Variants in SLC25A35 observed in about 807,000 individuals in gnomAD.
SLC25A35 encodes the protein solute carrier family 25 member 35, also known as solute carrier family 25, member 35.
A neutral mutation model predicts 30.5 loss-of-function variants in SLC25A35; 32 were observed. The ratio of observed to expected loss-of-function variants is 1.05; its 90% CI spans 0.79 to 1.41. The LOEUF (loss-of-function observed/expected upper bound fraction) is 1.41. Ranked by LOEUF, SLC25A35 falls within the 40% of genes most tolerant of loss-of-function variation. SLC25A35 has a pLI of 0.00. For synonymous variants in SLC25A35, 142 were observed against 158.1 expected, an observed-to-expected ratio of 0.90 and a Z score of 0.77; for missense variants, 369 against 388.0, an observed-to-expected ratio of 0.95 and a Z score of 0.41.
At chr17:8,288,706 C>T, downstream of SLC25A35, 1 of 1,512,602 alleles carries the variant, frequency 6.6e-7, no homozygotes. Flanking sequence ...GTGGCAGCTG[C>T]GAAACCCAGG....
chr17:8,290,845 G>A lies in SLC25A35; in HGVS notation c.726C>T (p.Gly242=). 5.0e-6 allele frequency: 8 copies of A among 1,613,874 alleles called. No homozygotes were observed. The highest frequency in any genetic ancestry group is 1.7e-5 in the Admixed American group (1 of 60,002). The change falls in exon 4 of 5, where the codon GGC becomes GGT. Residue 242 remains glycine (G), a synonymous_variant. Transcript: ENST00000577745. ...GCATCCCAGAGCACTTCCTTACCTT[G>A]CCCTGTGCATCTGTGGGCTGGTTGT... ...RLYNQPTDAQ[G]KGLMYRGILD... is the part of the protein sequence containing the mutation.
chr17:8,289,141 G>C, downstream of SLC25A35: 1 of 1,602,622 alleles, frequency 6.2e-7, no homozygotes, highest in Non-Finnish European at 8.5e-7. Flanking sequence ...GCCCGCGGCC[G>C]ACGGTTAATC....
At chr17:8,288,817 T>A, downstream of SLC25A35, 1 of 1,614,090 alleles carries the variant, frequency 6.2e-7, no homozygotes, top group Non-Finnish European at 8.5e-7. Flanking sequence ...TGCCCGCTGT[T>A]CGGGGGCGCC....
intron 2 of SLC25A35, 106 bp downstream of exon 2, chr17:8,292,417 G>T: frequency 9.0e-7 from 1 of 1,112,736 alleles, no homozygotes; most frequent in South Asian, 1.3e-5. Flanking sequence ...AGAACCGATG[G>T]GTTGAGCAGA....
chr17:8,294,590 T>A lies in SLC25A35; in HGVS notation c.218A>T (p.Gln73Leu), dbSNP rs749266612. The change falls in exon 1 of 5, where the codon CAG becomes CTG. Residue 73 changes from glutamine (Q) to leucine (L), a missense_variant. By Grantham distance (113) the Gln-to-Leu change is moderately radical. Transcript: ENST00000577745. ...CAGTCGGATGCCATTCATCAGGAAC[T>A]GGTACAAGAGGGCGGGGGCCAGGCC... ...QKGLAPALLY[Q>L]FLMNGIRLGT... 1.2e-6 allele frequency: 2 copies of A among 1,614,124 alleles called. No homozygotes were observed. Among genetic ancestry groups the A allele is most frequent in the South Asian group, 2.2e-5 (2 of 91,088 alleles).
At chr17:8,288,551 C>G, downstream of SLC25A35, 1 of 599,628 alleles carries the variant, frequency 1.7e-6, no homozygotes, top group South Asian at 2.0e-5. Flanking sequence ...CCCCACCGTC[C>G]CGCCAGGCGC....
downstream of SLC25A35, chr17:8,288,898 C>T (rs776014099): frequency 6.2e-7 from 1 of 1,613,914 alleles, no homozygotes; most frequent in African/African-American, 1.3e-5. Context: ...GGGCGGCTGA[C>T]TGGGTGGGTT....
rs779103199 is a variant in SLC25A35, at chr17:8,294,672, C to T, written c.136G>A (p.Val46Ile). Residue 46 changes from valine to isoleucine, a missense_variant, in exon 1 of 5, where the codon GTC becomes ATC. Coordinates refer to ENST00000577745, the MANE Select transcript of SLC25A35 (RefSeq NM_001320870.2). The stretch of plus-strand genomic sequence containing the variant: ...CCGATGGTGATGAAGGCATGGAAGA[C>T]ATTTCGGTAGTGCCGCTGGTATGTG... ...PGTYQRHYRNVFHAFITIGKV... is the reference protein window; with the variant it reads ...PGTYQRHYRNIFHAFITIGKV... 6 of 1,614,190 alleles carry T rather than the reference C, an allele frequency of 3.7e-6. No individual in the cohort carries two copies. The highest frequency in any genetic ancestry group is 5.1e-6 in the Non-Finnish European group (6 of 1,180,036).
intron 2 of SLC25A35, 134 bp downstream of exon 2, chr17:8,292,389 C>T: frequency 2.3e-6 from 2 of 865,482 alleles, no homozygotes; most frequent in East Asian, 2.4e-5. Context: ...TGGGTAGACT[C>T]CAGGGGCAAA....
rs1990768057 is a variant in SLC25A35 at position 8,295,008 on chromosome 17, C to T, written c.-201G>A. On this transcript the variant is annotated 5_prime_UTR_variant, in exon 1 of 5. Transcript: ENST00000577745. Reference sequence around the variant, plus strand: ...CTGGAATTTGGGAGTCAAGAGCTGGCAAGCAGGGAAGAGATAGAAATCTAG... The same window carrying T: ...CTGGAATTTGGGAGTCAAGAGCTGGTAAGCAGGGAAGAGATAGAAATCTAG... 3 of 1,391,522 alleles carry T rather than the reference C, an allele frequency of 2.2e-6. No homozygotes were observed. The highest frequency in any genetic ancestry group is 2.8e-6 in the Non-Finnish European group (3 of 1,076,998). The allele number at this position is 1,391,522 out of a possible 1,614,324, so 86.2% of individuals were successfully genotyped here. A position where few individuals can be genotyped will look rare whatever the true frequency, so the allele number is the denominator to read the frequency against.
At chr17:8,289,348 G>T (rs756226505), downstream of SLC25A35, 1 of 1,614,176 alleles carries the variant, frequency 6.2e-7, no homozygotes, top group Admixed American at 1.7e-5. Flanking sequence ...ACCTGGCCCT[G>T]AGGGGCCGCT....
chr17:8,290,939 G>A lies in SLC25A35; in HGVS notation c.632C>T (p.Ala211Val), dbSNP rs1990445026. 6.2e-7 allele frequency: 1 copy of A among 1,613,990 alleles called. No individual in the cohort carries two copies. The highest frequency in any genetic ancestry group is 1.7e-5 in the Admixed American group (1 of 59,984). ...PPQSWKLALV[A>V]AMMSGIAVVL... ...AACTGCAATGCCACTCATCATGGCA[G>A]CCACCAGCGCCAACTTCCAGCTCTG... The change falls in exon 4 of 5, where the codon GCT (alanine) becomes GTT (valine). Residue 211 changes from alanine (A) to valine (V), a missense_variant. By Grantham distance (64) the Ala-to-Val change is moderately conservative. Coordinates refer to ENST00000577745, the MANE Select transcript of SLC25A35 (RefSeq NM_001320870.2).
chr17:8,294,420 G>T lies in SLC25A35; in HGVS notation c.375+13C>A. On this transcript the variant is annotated intron_variant, in intron 1 of 4. Coordinates refer to ENST00000577745, the MANE Select transcript of SLC25A35 (RefSeq NM_001320870.2). ...TCTGCCCTGAAGGTCCCAGGCAAGA[G>T]CCCTCTTCTTACCATGTAGATGGGG... 1 of 1,552,514 alleles carries T rather than the reference G, an allele frequency of 6.4e-7. No homozygotes were observed. The highest frequency in any genetic ancestry group is 1.2e-5 in the South Asian group (1 of 82,442).
intron 1 of SLC25A35, among the ~76,000 whole-genome samples, chr17:8,293,422 T>A (rs1247473007): frequency 6.6e-6 from 1 of 152,228 alleles, no homozygotes; most frequent in Non-Finnish European, 1.5e-5. Context: ...GGATTCGCAC[T>A]AATGCTTTCA....
At chr17:8,288,565 C>G, downstream of SLC25A35, 1 of 620,640 alleles carries the variant, frequency 1.6e-6, no homozygotes, top group Non-Finnish European at 2.9e-6. Flanking sequence ...CAGGCGCACT[C>G]CTAAGAGCGC....
chr17:8,287,925 GA>G (rs1283559240), downstream of SLC25A35: 1 of 152,186 alleles, frequency 6.6e-6, no homozygotes, highest in Non-Finnish European at 1.5e-5. Context: ...TGTGAGACCT[GA>G]ATCCTAACCT....
rs2151612888 is a variant in SLC25A35, at chr17:8,290,424, A to T, written c.*81T>A. On this transcript the variant is annotated 3_prime_UTR_variant, in exon 5 of 5. Transcript: ENST00000577745. ...CCCATGGATGGATGAAAGGTCACCT[A>T]ATCAGTAGTCACCAGGACATAGTGG... 6.7e-7 allele frequency: 1 copy of T among 1,496,962 alleles called. No homozygotes were observed. The allele number at this position is 1,496,962 out of a possible 1,614,324, so 92.7% of individuals were successfully genotyped here. A position where few individuals can be genotyped will look rare whatever the true frequency, so the allele number is the denominator to read the frequency against.
At chr17:8,289,426 A>G (rs373705345), downstream of SLC25A35, 21 of 1,613,856 alleles carry the variant, frequency 1.3e-5, no homozygotes, top group Non-Finnish European at 1.7e-5. Context: ...TGAGGGCCCG[A>G]GAGTGTGTAA....
chr17:8,291,376 A>G lies in SLC25A35; in HGVS notation c.551T>C (p.Leu184Pro), dbSNP rs745548075. 1 of 1,614,034 alleles carries G rather than the reference A, an allele frequency of 6.2e-7. No homozygotes were observed. The highest frequency in any genetic ancestry group is 1.3e-5 in the African/African-American group (1 of 74,916). Reference protein sequence around the residue: ...PRVIVGSSTQLCTFSSTKDLL... With the variant: ...PRVIVGSSTQPCTFSSTKDLL... ...GTCCTTGGTGGATGAGAAGGTGCACAGCTGGGTGGAGGAACCGACGATAAC... is the reference window on the plus strand; with the variant it reads ...GTCCTTGGTGGATGAGAAGGTGCACGGCTGGGTGGAGGAACCGACGATAAC... Residue 184 changes from leucine to proline, a missense_variant, in exon 3 of 5, where the codon CTG becomes CCG. Physicochemically the swap from Leu to Pro is moderately conservative, Grantham distance 98. Coordinates refer to ENST00000577745, the MANE Select transcript of SLC25A35 (RefSeq NM_001320870.2).
Sources: gnomAD v4.1 joint callset for allele counts (sites outside exome capture counted in the v4.1 genomes callset) on GRCh38, gnomAD v4.1.1 for gene constraint, MANE v1.5 for transcripts, NCBI Gene and HGNC (gene_info 2026-07-23, HGNC 2026-07-21) for gene names.